Variants in LRMDA observed in about 807,000 individuals in gnomAD.
The protein encoded by LRMDA is leucine-rich melanocyte differentiation-associated protein.
LRMDA carries 18 observed loss-of-function variants against 29.8 expected under a neutral mutation model. The ratio of observed to expected loss-of-function variants is 0.60; its 90% CI spans 0.42 to 0.90. The LOEUF (loss-of-function observed/expected upper bound fraction) is 0.90, where lower values mean the gene tolerates loss of function less well. LRMDA is among the 40% of genes least tolerant of loss of function. LRMDA has a pLI of 0.00. For missense variants in LRMDA, 273 were observed against 273.9 expected, an observed-to-expected ratio of 1.00 and a Z score of 0.02; for synonymous variants, 125 against 109.4, an observed-to-expected ratio of 1.14 and a Z score of -0.89.
intron 2 of LRMDA, among the ~76,000 whole-genome samples, chr10:75,773,734 A>G (rs1017815458): frequency 6.6e-6 from 1 of 152,072 alleles, no homozygotes; most frequent in Non-Finnish European, 1.5e-5. Flanking sequence ...GGCCTTCTTT[A>G]TATCTTTCTG....
At chr10:76,405,652 A>G (rs1487295819) in intron 6 of LRMDA, among the ~76,000 whole-genome samples, 1 of 152,172 alleles carries the variant, frequency 6.6e-6, no homozygotes, top group Non-Finnish European at 1.5e-5. Context: ...TTGTAATTGG[A>G]CCTGGTAAGA....
chr10:75,632,545 A>T (rs1841336890), intron 2 of LRMDA, among the ~76,000 whole-genome samples: 1 of 152,070 alleles, frequency 6.6e-6, no homozygotes, highest in South Asian at 2.1e-4. Flanking sequence ...TTAGAGAAAT[A>T]TTTTAATATT....
intron 6 of LRMDA, among the ~76,000 whole-genome samples, chr10:76,525,490 G>A (rs116383375): frequency 0.015 from 2,315 of 152,162 alleles, 23 homozygotes; most frequent in African/African-American, 0.038. Context: ...TGTTTCCGCC[G>A]TGTGAATATA....
intron 2 of LRMDA, among the ~76,000 whole-genome samples, chr10:75,487,632 T>C (rs560316094): frequency 1.3e-5 from 2 of 152,286 alleles, no homozygotes; most frequent in African/African-American, 4.8e-5. Flanking sequence ...CCCAGCGTTC[T>C]GGGCAGAATA....
In LRMDA at chr10:76,495,375, C is replaced by A. The variant is rs562829440; in HGVS notation, c.602-61834C>A. 1.8e-4 allele frequency among the ~76,000 whole-genome samples: 28 copies of A among 151,832 alleles called. 2 individuals carry two copies. In the Middle Eastern group the frequency reaches 0.014, roughly 74 times the overall value. ...TATACTGTTTCATTGATTAATGTAT[C>A]TATCTTGCCACCAATACTATACTAT... On this transcript the variant is annotated intron_variant, in intron 6 of 6. Coordinates refer to ENST00000611255, the MANE Select transcript of LRMDA (RefSeq NM_001305581.2).
intron 5 of LRMDA, among the ~76,000 whole-genome samples, chr10:76,147,145 A>G (rs1850340282): frequency 6.6e-6 from 1 of 152,120 alleles, no homozygotes; most frequent in African/African-American, 2.4e-5. Context: ...ACTTTGGTGA[A>G]TCTGACAATT....
chr10:75,670,402 CTAAAAGT>C (rs928822156), intron 2 of LRMDA, among the ~76,000 whole-genome samples: 5 of 152,202 alleles, frequency 3.3e-5, no homozygotes, highest in Non-Finnish European at 7.4e-5. Flanking sequence ...TTTAAATACT[CTAAAAGT>C]AAATAGAAAA....
At chr10:75,610,377 C>T (rs192113275) in intron 2 of LRMDA, among the ~76,000 whole-genome samples, 1 of 151,820 alleles carries the variant, frequency 6.6e-6, no homozygotes, top group Non-Finnish European at 1.5e-5. Flanking sequence ...ACACATCATA[C>T]ACCCCCACAT....
At chr10:75,951,258 G>A (rs572392843) in intron 2 of LRMDA, among the ~76,000 whole-genome samples, 1 of 152,290 alleles carries the variant, frequency 6.6e-6, no homozygotes, top group African/African-American at 2.4e-5. Flanking sequence ...GTCACACAAG[G>A]CACTAAGTGG....
At chr10:75,970,720 G>C (rs1846951312) in intron 2 of LRMDA, among the ~76,000 whole-genome samples, 2 of 152,272 alleles carry the variant, frequency 1.3e-5, no homozygotes, top group South Asian at 4.1e-4. Flanking sequence ...GCCCAGTGTG[G>C]GCTTGGAAGA....
At chr10:76,515,505 CT>C (rs1843051075) in intron 6 of LRMDA, among the ~76,000 whole-genome samples, 1 of 151,918 alleles carries the variant, frequency 6.6e-6, no homozygotes, top group African/African-American at 2.4e-5. Context: ...GAATACACGT[CT>C]TTTTTTCTCT....
chr10:76,454,966 C>G (rs899081169), intron 6 of LRMDA, among the ~76,000 whole-genome samples: 9 of 152,168 alleles, frequency 5.9e-5, no homozygotes. Flanking sequence ...CTTGAGAGAG[C>G]AACCACATGA....
chr10:75,660,049 C>T (rs1841730783), intron 2 of LRMDA, among the ~76,000 whole-genome samples: 1 of 152,092 alleles, frequency 6.6e-6, no homozygotes, highest in African/African-American at 2.4e-5. Context: ...ATGTGTGTGT[C>T]TGGGTGTCTC....
At chr10:75,583,211 CCTG>C (rs1285873143) in intron 2 of LRMDA, among the ~76,000 whole-genome samples, 3 of 152,170 alleles carry the variant, frequency 2.0e-5, no homozygotes, top group Non-Finnish European at 4.4e-5. Context: ...ATGGCAATGC[CCTG>C]CTGCTTGGCA....
chr10:75,954,837 T>C (rs1026650280), intron 2 of LRMDA, among the ~76,000 whole-genome samples: 1 of 152,208 alleles, frequency 6.6e-6, no homozygotes, highest in Non-Finnish European at 1.5e-5. Flanking sequence ...AAACTCTGAG[T>C]TGAAAATTGA....
intron 2 of LRMDA, among the ~76,000 whole-genome samples, chr10:75,961,098 A>G (rs1846758233): frequency 6.6e-6 from 1 of 152,040 alleles, no homozygotes; most frequent in Non-Finnish European, 1.5e-5. Flanking sequence ...AATCTCTGGA[A>G]CTCTCTCTCC....
intron 6 of LRMDA, among the ~76,000 whole-genome samples, chr10:76,386,217 T>C (rs1841657961): frequency 1.3e-5 from 2 of 152,252 alleles, no homozygotes. Flanking sequence ...ATATATTTTA[T>C]ATGTCCTTGG....
intron 6 of LRMDA, among the ~76,000 whole-genome samples, chr10:76,353,927 G>T (rs1841208870): frequency 6.6e-6 from 1 of 152,046 alleles, no homozygotes; most frequent in African/African-American, 2.4e-5. Context: ...ATTAGTCTGT[G>T]GTCTGCTTTC....
intron 2 of LRMDA, among the ~76,000 whole-genome samples, chr10:75,720,497 G>A (rs1303759138): frequency 6.6e-6 from 1 of 152,150 alleles, no homozygotes; most frequent in Non-Finnish European, 1.5e-5. Flanking sequence ...TTGTTTTCCT[G>A]TGCCCATTCT....
Sources: allele counts gnomAD v4.1 joint callset (sites outside exome capture counted in the v4.1 genomes callset), GRCh38; gene constraint gnomAD v4.1.1; transcripts MANE v1.5; gene names NCBI Gene and HGNC (gene_info 2026-07-23, HGNC 2026-07-21).